The following KIAA0232 variants were observed in gnomAD, a reference collection of about 807,000 sequenced individuals.
The protein encoded by KIAA0232 is uncharacterized protein KIAA0232.
A neutral mutation model predicts 122.0 loss-of-function variants in KIAA0232; 27 were observed. The ratio of observed to expected loss-of-function variants is 0.22; its 90% CI spans 0.16 to 0.31. The LOEUF is 0.31. Ranked by LOEUF, KIAA0232 falls within the 10% of genes least tolerant of loss-of-function variation. KIAA0232 has a pLI of 1.00. For missense variants in KIAA0232, 1,551 were observed against 1,634.2 expected (o/e 0.95, Z 0.88); for synonymous variants, 613 against 587.6 (o/e 1.04, Z -0.63).
intron 7 of KIAA0232, among the ~76,000 whole-genome samples, chr4:6,869,204 T>C (rs1721340480): frequency 6.6e-6 from 1 of 152,190 alleles, no homozygotes; most frequent in Non-Finnish European, 1.5e-5. Context: ...TCCCCCACCA[T>C]GAACTCACTC....
Position 6,861,903 on chromosome 4 carries a change from G to T in KIAA0232, c.1521G>T (p.Thr507=). The part of the protein sequence containing the change: ...YLDDIHLSEL[T]HFYEVDIDQS... ...ATGATATTCATCTATCAGAATTAAC[G>T]CACTTCTATGAAGTGGATATTGATC... The change falls in exon 7 of 10, where the codon ACG becomes ACT. Residue 507 remains threonine, a synonymous_variant. Coordinates refer to ENST00000307659, the MANE Select transcript of KIAA0232 (RefSeq NM_014743.3). The T allele has an allele frequency of 6.2e-7, 1 of 1,614,000 alleles. No individual in the cohort carries two copies. Among genetic ancestry groups the T allele is most frequent in the African/African-American group, 1.3e-5 (1 of 75,036 alleles).
chr4:6,866,288 T>C (rs957318483), intron 7 of KIAA0232: 7 of 956,476 alleles, frequency 7.3e-6, no homozygotes, highest in African/African-American at 1.8e-5. Flanking sequence ...TTATGTGTTA[T>C]CAGAATTCCG....
intron 2 of KIAA0232, among the ~76,000 whole-genome samples, chr4:6,812,498 A>C (rs956649873): frequency 3.3e-5 from 5 of 152,196 alleles, no homozygotes; most frequent in African/African-American, 4.8e-5. Context: ...AGAAATAATA[A>C]ATTTAAAGTC....
At chr4:6,865,982 G>A (rs1235004401) in intron 7 of KIAA0232, among the ~76,000 whole-genome samples, 1 of 152,182 alleles carries the variant, frequency 6.6e-6, no homozygotes, top group African/African-American at 2.4e-5. Flanking sequence ...GTGTGGGACT[G>A]CTTGCCTGTG....
intron 2 of KIAA0232, among the ~76,000 whole-genome samples, chr4:6,806,618 C>T (rs887207232): frequency 6.6e-6 from 1 of 151,434 alleles, no homozygotes; most frequent in Admixed American, 6.6e-5. Flanking sequence ...TCTATAATCC[C>T]AGCTACTTGG....
chr4:6,795,160 T>G (rs991627357), intron 1 of KIAA0232, among the ~76,000 whole-genome samples: 7 of 152,322 alleles, frequency 4.6e-5, no homozygotes, highest in African/African-American at 1.2e-4. Context: ...AAGCTCCGCC[T>G]TCCGGGTTCA....
At chr4:6,805,860 T>C (rs948594469) in intron 2 of KIAA0232, among the ~76,000 whole-genome samples, 2 of 152,210 alleles carry the variant, frequency 1.3e-5, no homozygotes, top group Non-Finnish European at 2.9e-5. Flanking sequence ...TGTAGATGTT[T>C]CCATTTTTCC....
At chr4:6,875,679 A>T (rs1238190283) in intron 8 of KIAA0232, among the ~76,000 whole-genome samples, 1 of 152,190 alleles carries the variant, frequency 6.6e-6, no homozygotes, top group Non-Finnish European at 1.5e-5. Flanking sequence ...ACTCTGTGGC[A>T]GGGGATGGGG....
At chr4:6,848,711 C>G (rs1024793538) in intron 4 of KIAA0232, among the ~76,000 whole-genome samples, 1 of 152,172 alleles carries the variant, frequency 6.6e-6, no homozygotes, top group Non-Finnish European at 1.5e-5. Context: ...TGAACCCAAC[C>G]TTTTCTGGGT....
intron 2 of KIAA0232, among the ~76,000 whole-genome samples, chr4:6,814,536 C>T (rs1439502231): frequency 6.6e-6 from 1 of 152,064 alleles, no homozygotes; most frequent in South Asian, 2.1e-4. Flanking sequence ...TTTAACAATA[C>T]CTTCAATTTG....
At position 6,862,812 on chromosome 4, in the gene KIAA0232, A is replaced by G. The variant is rs771415008; in HGVS notation, c.2430A>G (p.Val810=). 5.6e-6 allele frequency: 9 copies of G among 1,614,082 alleles called. No homozygotes were observed. Among genetic ancestry groups the G allele is most frequent in the African/African-American group, 1.3e-5 (1 of 74,944 alleles). Residue 810 remains valine, a synonymous_variant, in exon 7 of 10, where the codon GTA becomes GTG. Coordinates refer to ENST00000307659, the MANE Select transcript of KIAA0232 (RefSeq NM_014743.3). ...TENKNFETTQ[V]CNESPHGDGY... The stretch of plus-strand genomic sequence containing the variant: ...ACAAAAATTTTGAAACTACACAAGT[A>G]TGTAATGAAAGTCCACATGGAGATG...
intron 9 of KIAA0232, among the ~76,000 whole-genome samples, chr4:6,879,308 C>T (rs1353307101): frequency 6.6e-6 from 1 of 152,188 alleles, no homozygotes; most frequent in Admixed American, 6.5e-5. Context: ...AGCACAAAAA[C>T]ATCAGGCGCC....
At chr4:6,869,247 A>G (rs1721342991) in intron 7 of KIAA0232, among the ~76,000 whole-genome samples, 2 of 152,224 alleles carry the variant, frequency 1.3e-5, no homozygotes, top group East Asian at 1.9e-4. Context: ...AGAAAGGATG[A>G]AAAGATAAGC....
chr4:6,826,849 G>T (rs941667018), intron 3 of KIAA0232, among the ~76,000 whole-genome samples: 4 of 152,080 alleles, frequency 2.6e-5, no homozygotes, highest in Admixed American at 6.5e-5. Context: ...GGACATATAG[G>T]ATAAAACAGG....
intron 2 of KIAA0232, among the ~76,000 whole-genome samples, chr4:6,813,178 A>G (rs1339919137): frequency 1.3e-5 from 2 of 152,180 alleles, no homozygotes; most frequent in Non-Finnish European, 2.9e-5. Flanking sequence ...GTTTCTCGGA[A>G]CATTATTACA....
chr4:6,818,502 C>CAA (rs1560172467), intron 2 of KIAA0232, among the ~76,000 whole-genome samples: 1 of 151,618 alleles, frequency 6.6e-6, no homozygotes, highest in Non-Finnish European at 1.5e-5. Context: ...CACACACACA[C>CAA]ACTACCTAGG....
At chr4:6,815,045 T>TA (rs35090346) in intron 2 of KIAA0232, among the ~76,000 whole-genome samples, 28,604 of 147,300 alleles carry the variant, frequency 0.19, 3,396 homozygotes, top group East Asian at 0.6. Flanking sequence ...AAGGGAACGT[T>TA]AAAAAAAAAA....
At chr4:6,819,171 T>C (rs1459380292) in intron 2 of KIAA0232, among the ~76,000 whole-genome samples, 3 of 152,074 alleles carry the variant, frequency 2.0e-5, no homozygotes, top group Non-Finnish European at 4.4e-5. Flanking sequence ...AGGAAAGAAT[T>C]TGTGACTAAG....
rs1720503348 is a variant in KIAA0232 at position 6,855,124 on chromosome 4, G to C, written c.370-2040G>C. Among the ~76,000 whole-genome samples, 1 of 151,238 alleles carries C rather than the reference G, an allele frequency of 6.6e-6. No individual in the cohort carries two copies. Among genetic ancestry groups the C allele is most frequent in the Non-Finnish European group, 1.5e-5 (1 of 67,874 alleles). ...TTTTGAGACCGAGTCTCGCTCTGTT[G>C]CCCAGGCTGGAGTGCAATGACGCGA... On this transcript the variant is annotated intron_variant, in intron 4 of 9. Transcript: ENST00000307659. The surrounding 1 kb of genome is among the most constrained non-coding windows in gnomAD (Gnocchi z 4.3).
Sources: allele counts gnomAD v4.1 joint callset (sites outside exome capture counted in the v4.1 genomes callset), GRCh38; gene constraint gnomAD v4.1.1; non-coding constraint Gnocchi (gnomAD v3.1); transcripts MANE v1.5; gene names NCBI Gene and HGNC (gene_info 2026-07-23, HGNC 2026-07-21).